Variants in DYSF observed in about 807,000 individuals in gnomAD.
The protein encoded by DYSF is dystrophy-associated fer-1-like 1.
A neutral mutation model predicts 274.9 loss-of-function variants in DYSF; 212 were observed. That is an observed-to-expected ratio of 0.77 (90% confidence interval 0.69 to 0.86). DYSF has a LOEUF of 0.86. DYSF is among the 40% of genes least tolerant of loss of function. The pLI, the probability that DYSF is intolerant of heterozygous loss-of-function variation, is 0.00. For synonymous variants in DYSF, 1,091 were observed against 1,078.7 expected, an observed-to-expected ratio of 1.01 and a Z score of -0.22; for missense variants, 2,666 against 2,783.2, an observed-to-expected ratio of 0.96 and a Z score of 0.95.
intron 36 of DYSF, chr2:71,611,006 A>T: frequency 1.8e-6 from 1 of 568,992 alleles, no homozygotes; most frequent in South Asian, 1.9e-5. Context: ...TTCAGTTGGA[A>T]CAAGGTGACC....
chr2:71,530,582 T>C (rs1257438135), intron 14 of DYSF, among the ~76,000 whole-genome samples: 1 of 152,174 alleles, frequency 6.6e-6, no homozygotes, highest in African/African-American at 2.4e-5. Flanking sequence ...TGCAAGAAGC[T>C]GCGCCTCCCA....
intron 20 of DYSF, 24 bp downstream of exon 20, chr2:71,553,212 A>C: frequency 6.2e-7 from 1 of 1,613,546 alleles, no homozygotes. Flanking sequence ...CCTGGCTGGG[A>C]CCCCGATCAC....
intron 13 of DYSF, 65 bp downstream of exon 13, chr2:71,526,411 TGGGCGA>T: frequency 3.3e-6 from 1 of 306,928 alleles, no homozygotes; most frequent in Non-Finnish European, 5.0e-6. Flanking sequence ...CTGGTGGGGG[TGGGCGA>T]TGGCGGGCGG....
chr2:71,649,492 G>A (rs1339451754), intron 42 of DYSF, among the ~76,000 whole-genome samples: 2 of 151,916 alleles, frequency 1.3e-5, no homozygotes, highest in Non-Finnish European at 1.5e-5. Context: ...AGATAAAATT[G>A]GATTATTTTA....
At chr2:71,466,000 T>C (rs2081507581), upstream of DYSF, among the ~76,000 whole-genome samples, 1 of 152,030 alleles carries the variant, frequency 6.6e-6, no homozygotes, top group Non-Finnish European at 1.5e-5. Flanking sequence ...CAGTATGATT[T>C]GAATACAGAT....
chr2:71,539,358 T>A, intron 17 of DYSF, 119 bp downstream of exon 17: 1 of 819,634 alleles, frequency 1.2e-6, no homozygotes, highest in Non-Finnish European at 2.1e-6. Context: ...AAGGCCTCTG[T>A]TGCCCATTTT....
chr2:71,618,774 G>GT lies in DYSF; in HGVS notation c.4465-1767dup, dbSNP rs1316959225. Reference sequence around the variant, plus strand: ...GGTGGGTGTGTGTCCGTGTGAGTGTGTTTTTTGTGTGTGTGGTGAGCGTGG... The same window carrying GT: ...GGTGGGTGTGTGTCCGTGTGAGTGTGTTTTTTTGTGTGTGTGGTGAGCGTGG... On this transcript the variant is annotated intron_variant, in intron 40 of 55. Coordinates refer to ENST00000410020, the MANE Select transcript of DYSF (RefSeq NM_001130987.2). Among the ~76,000 whole-genome samples, 28 of 151,692 alleles carry GT rather than the reference G, an allele frequency of 1.8e-4. No individual in the cohort carries two copies. In the South Asian group the frequency reaches 3.1e-3, roughly 17 times the overall value.
rs2095359183 is a variant in DYSF at position 71,686,626 on chromosome 2, G to A, written c.*134G>A. 1 of 1,038,514 alleles carries A rather than the reference G, an allele frequency of 9.6e-7. No individual in the cohort carries two copies. Among genetic ancestry groups the A allele is most frequent in the African/African-American group, 1.6e-5 (1 of 63,796 alleles). The allele number at this position is 1,038,514 out of a possible 1,614,324, so 64.3% of individuals were successfully genotyped here. The stretch of plus-strand genomic sequence containing the variant: ...TCCTGCCAGGGTGGGCAGACAGACA[G>A]ATGGACCGGCCCACACTCCCAGAGT... On this transcript the variant is annotated 3_prime_UTR_variant, in exon 56 of 56. Coordinates refer to ENST00000410020, the MANE Select transcript of DYSF (RefSeq NM_001130987.2).
upstream of DYSF, chr2:71,466,563 C>A (rs954027425): frequency 8.9e-6 from 9 of 1,016,614 alleles, no homozygotes; most frequent in African/African-American, 1.2e-4. Context: ...GGGACCAGCA[C>A]CCCCACAGGC....
chr2:71,535,124 C>T (rs1394603290), intron 15 of DYSF, 35 bp downstream of exon 15: 2 of 1,613,246 alleles, frequency 1.2e-6, no homozygotes, highest in South Asian at 1.1e-5. Context: ...CCAAGGAGGC[C>T]CCTGGGGCTC....
At chr2:71,488,119 T>C (rs984665229) in intron 3 of DYSF, among the ~76,000 whole-genome samples, 13 of 151,344 alleles carry the variant, frequency 8.6e-5, no homozygotes, top group African/African-American at 3.2e-4. Flanking sequence ...AAAAAAAAAA[T>C]TAAAAATCTG....
chr2:71,567,012 A>G (rs994904676), intron 24 of DYSF, among the ~76,000 whole-genome samples: 1 of 152,126 alleles, frequency 6.6e-6, no homozygotes, highest in African/African-American at 2.4e-5. Flanking sequence ...TCACTTGGCT[A>G]TACTGCTCTG....
At chr2:71,526,421 C>CGCCCTGGGGGGGGGGGGGG in intron 13 of DYSF, 75 bp downstream of exon 13, 1 of 272,074 alleles carries the variant, frequency 3.7e-6, no homozygotes, top group Non-Finnish European at 6.7e-6. Flanking sequence ...TGGGCGATGG[C>CGCCCTGGGGGGGGGGGGGG]GGGCGGGGTC....
intron 45 of DYSF, among the ~76,000 whole-genome samples, chr2:71,662,906 CTG>C (rs929213414): frequency 1.6e-4 from 4 of 25,288 alleles, no homozygotes; most frequent in Admixed American, 9.7e-4. Context: ...ATTTGTGTGC[CTG>C]TGTGTGTATA....
intron 1 of DYSF, among the ~76,000 whole-genome samples, chr2:71,461,658 T>G (rs909175419): frequency 6.6e-6 from 1 of 151,752 alleles, no homozygotes; most frequent in Non-Finnish European, 1.5e-5. Flanking sequence ...ATAGCCAGAG[T>G]GATGATGTGA....
rs1176279921 is a variant in DYSF at position 71,551,151 on chromosome 2, G to C, written c.1687G>C (p.Gly563Arg). ...FPDPYTELNT[G>R]KGEGVAYRGR... Reference sequence around the variant, plus strand: ...AGACCCCTACACAGAGCTCAACACAGGCAAGGTAAGCCGGCTGGAGCCCTG... The same window carrying C: ...AGACCCCTACACAGAGCTCAACACACGCAAGGTAAGCCGGCTGGAGCCCTG... Residue 563 changes from glycine (G) to arginine (R), a missense_variant, in exon 18 of 56, where the codon GGC becomes CGC. Physicochemically the swap from Gly to Arg is moderately radical, Grantham distance 125 (BLOSUM62 -2). Around this residue, in one of 3 missense-constraint regions of DYSF, gnomAD observed 794 missense variants for 777.1 expected, o/e 1.02. Transcript: ENST00000410020. 4 of 1,614,028 alleles carry C rather than the reference G, an allele frequency of 2.5e-6. No homozygotes were observed. Among genetic ancestry groups the C allele is most frequent in the Non-Finnish European group, 3.4e-6 (4 of 1,180,014 alleles).
At chr2:71,507,157 G>A (rs2085567331) in intron 4 of DYSF, among the ~76,000 whole-genome samples, 1 of 152,112 alleles carries the variant, frequency 6.6e-6, no homozygotes, top group Non-Finnish European at 1.5e-5. Flanking sequence ...GTTACACTCC[G>A]GCGGCTCCAC....
Position 71,520,212 on chromosome 2 carries a change from A to T in DYSF, c.1033+4A>T, listed in dbSNP as rs1397221551. 6.2e-7 allele frequency: 1 copy of T among 1,614,170 alleles called. No homozygotes were observed. The highest frequency in any genetic ancestry group is 1.7e-5 in the Admixed American group (1 of 60,018). The stretch of plus-strand genomic sequence containing the variant: ...GGCACCATTTACAGAGAGCCCCGTG[A>T]GTTCTCACCACTTTGGCCGTATCCT... On this transcript the variant is annotated splice_donor_region_variant and intron_variant, in intron 11 of 55. Coordinates refer to ENST00000410020, the MANE Select transcript of DYSF (RefSeq NM_001130987.2).
At chr2:71,640,578 G>A (rs1176737104) in intron 41 of DYSF, among the ~76,000 whole-genome samples, 1 of 152,168 alleles carries the variant, frequency 6.6e-6, no homozygotes, top group African/African-American at 2.4e-5. Flanking sequence ...TCAAATCTCT[G>A]CTGTAGATGA....
Sources: gnomAD v4.1 joint callset for allele counts (sites outside exome capture counted in the v4.1 genomes callset) on GRCh38, gnomAD v4.1.1 for gene constraint, gnomAD v4.1.1 regional missense constraint, MANE v1.5 for transcripts, NCBI Gene and HGNC (gene_info 2026-07-23, HGNC 2026-07-21) for gene names.